ANKRD11: variants seen among roughly 807,000 people sequenced by gnomAD.
ANKRD11 encodes ankyrin repeat domain-containing protein 11.
A neutral mutation model predicts 195.7 loss-of-function variants in ANKRD11; 17 were observed. That is an observed-to-expected ratio of 0.09 (90% CI 0.06 to 0.13). The LOEUF is 0.13. ANKRD11 is among the 10% of genes least tolerant of loss of function. The pLI, the probability that ANKRD11 is intolerant of heterozygous loss-of-function variation, is 1.00. For missense variants in ANKRD11, 3,735 were observed against 3,566.1 expected (o/e 1.05, Z -1.21); for synonymous variants, 1,953 against 1,528.1 (o/e 1.28, Z -6.49).
rs2034328067 is a variant in ANKRD11, at chr16:89,282,359, C to G, written c.4183G>C (p.Asp1395His). 1 of 1,614,104 alleles carries G rather than the reference C, an allele frequency of 6.2e-7. No homozygotes were observed. Among genetic ancestry groups the G allele is most frequent in the Admixed American group, 1.7e-5 (1 of 60,008 alleles). Reference protein sequence around the residue: ...SRKDSGQYEKDFLEADAYGVS... With the variant: ...SRKDSGQYEKHFLEADAYGVS... ...CCGTAAGCATCCGCCTCCAGGAAGT[C>G]CTTTTCGTACTGGCCGGAGTCCTTC... Residue 1395 changes from aspartate to histidine, a missense_variant, in exon 9 of 13, where the codon GAC becomes CAC. By Grantham distance (81) the Asp-to-His change is moderately conservative. Transcript: ENST00000301030.
chr16:89,476,006 C>A (rs1329203629), intron 1 of ANKRD11, among the ~76,000 whole-genome samples: 2 of 150,382 alleles, frequency 1.3e-5, no homozygotes, highest in African/African-American at 4.9e-5. Context: ...GAGCCAAGAT[C>A]ACGCCACTGC....
chr16:89,316,859 G>A lies in ANKRD11; in HGVS notation c.87+74C>T, dbSNP rs9921739. On this transcript the variant is annotated intron_variant, in intron 3 of 12. Coordinates refer to ENST00000301030, the MANE Select transcript of ANKRD11 (RefSeq NM_013275.6). Reference sequence around the variant, plus strand: ...GGAGGGCGGAGAACAGGCCACAGGCGGGCAGCACCCCATTCCCACCTCATC... The same window carrying A: ...GGAGGGCGGAGAACAGGCCACAGGCAGGCAGCACCCCATTCCCACCTCATC... 1,440 of 1,541,696 alleles carry A rather than the reference G, an allele frequency of 9.3e-4. 13 individuals carry two copies. In the African/African-American group the frequency reaches 0.018, roughly 19 times the overall value.
intron 4 of ANKRD11, among the ~76,000 whole-genome samples, chr16:89,293,407 G>A (rs2035192888): frequency 6.6e-6 from 1 of 151,800 alleles, no homozygotes; most frequent in Non-Finnish European, 1.5e-5. Context: ...GGCAGAGTTG[G>A]GGTTGCGGAG....
At chr16:89,441,296 A>G (rs886752801) in intron 1 of ANKRD11, among the ~76,000 whole-genome samples, 2 of 152,086 alleles carry the variant, frequency 1.3e-5, no homozygotes, top group Non-Finnish European at 2.9e-5. Flanking sequence ...AAGTCCTAAA[A>G]TATTTAAATG....
Position 89,280,071 on chromosome 16 carries a change from T to C in ANKRD11, c.6471A>G (p.Glu2157=), listed in dbSNP as rs750592226. Residue 2157 remains glutamate, a synonymous_variant, in exon 9 of 13, where the codon GAA becomes GAG. Transcript: ENST00000301030. ...DAADGEAEPV[E]ESLAPPEEMP... The stretch of plus-strand genomic sequence containing the variant: ...TCTCTTCTGGAGGAGCAAGACTTTC[T>C]TCCACGGGTTCCGCTTCACCATCTG... 25 of 1,612,946 alleles carry C rather than the reference T, an allele frequency of 1.5e-5. No individual in the cohort carries two copies. The South Asian group carries it at 2.5e-4, about 16-fold the overall frequency.
rs571227592 is a variant in ANKRD11 at position 89,399,403 on chromosome 16, G to A, written c.-60+18881C>T. On this transcript the variant is annotated intron_variant, in intron 2 of 12. Coordinates refer to ENST00000301030, the MANE Select transcript of ANKRD11 (RefSeq NM_013275.6). ...GCATGCTGCTGAGTGAAAGCAGCCC[G>A]TCTCCAAGGACTACACGCTGTACGG... 4.9e-4 allele frequency among the ~76,000 whole-genome samples: 75 copies of A among 152,204 alleles called. 1 individual carries two copies. The highest frequency in any genetic ancestry group is 9.2e-4 in the Admixed American group (14 of 15,292).
At position 89,334,144 on chromosome 16, in the gene ANKRD11, T is replaced by TAAAAAAAAAAAAAA. The variant is rs869142504; in HGVS notation, c.-59-17080_-59-17067dup. 6.0e-4 allele frequency among the ~76,000 whole-genome samples: 25 copies of TAAAAAAAAAAAAAA among 41,414 alleles called. 5 individuals are homozygous for TAAAAAAAAAAAAAA. The highest frequency in any genetic ancestry group is 2.3e-3 in the African/African-American group (24 of 10,446). 27.2% of individuals were successfully genotyped at this position (41,414 alleles called of 152,430 possible). A position where few individuals can be genotyped will look rare whatever the true frequency, so the allele number is the denominator to read the frequency against. On this transcript the variant is annotated intron_variant, in intron 2 of 12. Transcript: ENST00000301030. The stretch of plus-strand genomic sequence containing the variant: ...GGTAACATGATGAAACCCTGTGTTT[T>TAAAAAAAAAAAAAA]AAAAAAAAAAAAAAAAAAAAAAAAA...
At chr16:89,392,443 G>C (rs1225969434) in intron 2 of ANKRD11, 4 of 151,984 alleles carry the variant, frequency 2.6e-5, no homozygotes, top group Admixed American at 6.6e-5. Context: ...TTCTACAATG[G>C]GTAAACGATG....
chr16:89,439,615 C>T (rs147864901), intron 1 of ANKRD11, among the ~76,000 whole-genome samples: 82 of 152,312 alleles, frequency 5.4e-4, no homozygotes, highest in African/African-American at 1.9e-3. Flanking sequence ...GCAATTGAGG[C>T]TGTGAATACA....
intron 2 of ANKRD11, among the ~76,000 whole-genome samples, chr16:89,328,673 A>G (rs1474410867): frequency 6.8e-6 from 1 of 146,678 alleles, no homozygotes; most frequent in Non-Finnish European, 1.5e-5. Flanking sequence ...CTGCTGAGTG[A>G]GTGGACACAC....
chr16:89,347,515 G>C (rs1201792050), intron 2 of ANKRD11, among the ~76,000 whole-genome samples: 2 of 151,700 alleles, frequency 1.3e-5, no homozygotes, highest in Non-Finnish European at 2.9e-5. Context: ...GGAGGCTGAG[G>C]CAGGAGAATG....
At chr16:89,403,913 G>A (rs2041804928) in intron 2 of ANKRD11, among the ~76,000 whole-genome samples, 2 of 152,118 alleles carry the variant, frequency 1.3e-5, no homozygotes, top group South Asian at 4.1e-4. Context: ...AACAAAGCAA[G>A]ACTTGTCTCT....
chr16:89,464,692 A>G (rs1023611352), intron 1 of ANKRD11, among the ~76,000 whole-genome samples: 1 of 152,176 alleles, frequency 6.6e-6, no homozygotes, highest in African/African-American at 2.4e-5. Context: ...GAAGAATGAC[A>G]TGTCAATAGT....
intron 1 of ANKRD11, among the ~76,000 whole-genome samples, chr16:89,453,559 C>T (rs2056287449): frequency 6.6e-6 from 1 of 152,170 alleles, no homozygotes. Flanking sequence ...GCCAGCTGAC[C>T]ATCACTTGTA....
At chr16:89,453,970 G>T (rs1325732701) in intron 1 of ANKRD11, among the ~76,000 whole-genome samples, 1 of 152,152 alleles carries the variant, frequency 6.6e-6, no homozygotes, top group Non-Finnish European at 1.5e-5. Flanking sequence ...AGGAGCACCC[G>T]CACCTCGGGA....
intron 2 of ANKRD11, chr16:89,324,650 A>G (rs1286708011): frequency 5.2e-6 from 2 of 381,784 alleles, no homozygotes; most frequent in African/African-American, 2.1e-5. Flanking sequence ...TCCAGCCTCC[A>G]TCTTTCTTCC....
In ANKRD11 at chr16:89,369,279, C is replaced by T. The variant is rs759238120; in HGVS notation, c.-60+49005G>A. On this transcript the variant is annotated intron_variant, in intron 2 of 12. Transcript: ENST00000301030. ...CCTAGGTACGCCCGAGAAATGCCCA[C>T]ACGTCTCCACGACACTCGCAGGTCT... is the stretch of plus-strand genomic sequence containing the variant. Among the ~76,000 whole-genome samples the T allele has an allele frequency of 4.6e-5, 7 of 152,352 alleles. No homozygotes were observed. The South Asian group carries it at 1.2e-3, about 27-fold the overall frequency.
intron 2 of ANKRD11, among the ~76,000 whole-genome samples, chr16:89,403,185 C>T (rs940429226): frequency 3.9e-5 from 6 of 152,168 alleles, no homozygotes; most frequent in Admixed American, 2.6e-4. Flanking sequence ...AGGTGGACCC[C>T]GCACTCCCTA....
At chr16:89,458,003 G>C (rs1463311949) in intron 1 of ANKRD11, among the ~76,000 whole-genome samples, 1 of 152,004 alleles carries the variant, frequency 6.6e-6, no homozygotes, top group African/African-American at 2.4e-5. Flanking sequence ...GAGCCCTGGA[G>C]ACCCCACACC....
Sources: allele counts gnomAD v4.1 joint callset (sites outside exome capture counted in the v4.1 genomes callset), GRCh38; gene constraint gnomAD v4.1.1; transcripts MANE v1.5; gene names NCBI Gene and HGNC (gene_info 2026-07-23, HGNC 2026-07-21).